SHC3: variants seen among roughly 807,000 people sequenced by gnomAD.
SHC3 encodes the protein SHC adaptor protein 3, also known as SHC-transforming protein 3.
In SHC3, 15 loss-of-function variants were observed where a neutral mutation model predicts 60.4. That is an observed-to-expected ratio of 0.25 (90% CI 0.17 to 0.38). The LOEUF (loss-of-function observed/expected upper bound fraction) is 0.38, where lower values mean the gene tolerates loss of function less well. SHC3 is among the 10% of genes least tolerant of loss of function. The pLI, the probability that SHC3 is intolerant of heterozygous loss-of-function variation, is 1.00. For synonymous variants in SHC3, 294 were observed against 325.9 expected (o/e 0.90, Z 1.05); for missense variants, 677 against 786.1 (o/e 0.86, Z 1.66).
intron 1 of SHC3, among the ~76,000 whole-genome samples, chr9:89,150,976 GT>G (rs1425279348): frequency 6.7e-6 from 1 of 150,168 alleles, no homozygotes; most frequent in East Asian, 1.9e-4. Context: ...GAGTAAAGAT[GT>G]TGAGCATCTT....
At chr9:89,074,660 C>A in intron 4 of SHC3, among the ~76,000 whole-genome samples, 1 of 99,888 alleles carries the variant, frequency 1.0e-5, no homozygotes, top group Admixed American at 1.6e-4. Context: ...CTATGTACTA[C>A]AAGATGCTCC....
chr9:89,178,039 GC>G lies in SHC3; in HGVS notation c.421del (p.Ala141ArgfsTer29). The part of the protein sequence containing the change: ...DEPLPRPPRG[A>X]PHASDQVLGP... ...CAGCACCTGGTCGCTGGCGTGCGGC[GC>G]CCCCCGAGGGGGCCTGGGCAGCGGC... On this transcript the variant is annotated frameshift_variant, in exon 1 of 12. Coordinates refer to ENST00000375835, the MANE Select transcript of SHC3 (RefSeq NM_016848.6). LOFTEE classifies it high-confidence loss of function. This position sits in a 1 kb window ranked among gnomAD's most constrained non-coding sequence, Gnocchi z 6.9. The G allele has an allele frequency of 6.5e-6, 8 of 1,230,168 alleles. No individual in the cohort carries two copies. Among genetic ancestry groups the G allele is most frequent in the Middle Eastern group, 3.1e-4 (1 of 3,186 alleles). The allele number at this position is 1,230,168 out of a possible 1,614,324, so 76.2% of individuals were successfully genotyped here.
Position 89,052,065 on chromosome 9 carries a change from G to C in SHC3, c.934C>G (p.Pro312Ala). 1 of 1,614,068 alleles carries C rather than the reference G, an allele frequency of 6.2e-7. No homozygotes were observed. The highest frequency in any genetic ancestry group is 1.1e-5 in the South Asian group (1 of 91,062). ...TCATGGAGAGCGGGAATCTTGGTAG[G>C]ACACTGTAAATATTGCTTAAACCGG... ...ELRFKQYLQC[P>A]TKIPALHDRM... Residue 312 changes from proline (P) to alanine (A), a missense_variant, in exon 7 of 12, where the codon CCT (proline) becomes GCT (alanine). Pro to Ala is a conservative substitution (Grantham distance 27). Coordinates refer to ENST00000375835, the MANE Select transcript of SHC3 (RefSeq NM_016848.6).
At chr9:89,128,459 G>A (rs1412187942) in intron 1 of SHC3, among the ~76,000 whole-genome samples, 1 of 152,132 alleles carries the variant, frequency 6.6e-6, no homozygotes, top group Admixed American at 6.6e-5. Context: ...CCTCAAGTGG[G>A]TCCCTGATCC....
At chr9:89,044,353 C>T (rs984799643) in intron 9 of SHC3, among the ~76,000 whole-genome samples, 3 of 152,184 alleles carry the variant, frequency 2.0e-5, no homozygotes, top group African/African-American at 7.2e-5. Context: ...ATTGACTGGG[C>T]CAGCACTGTG....
chr9:89,028,672 CT>C (rs1259493755), intron 11 of SHC3, among the ~76,000 whole-genome samples: 140 of 143,822 alleles, frequency 9.7e-4, no homozygotes, highest in African/African-American at 3.4e-3. Flanking sequence ...ATATAGCTAT[CT>C]ATATAAAGAG....
At chr9:89,122,401 A>G (rs1206537854) in intron 1 of SHC3, among the ~76,000 whole-genome samples, 1 of 152,244 alleles carries the variant, frequency 6.6e-6, no homozygotes, top group African/African-American at 2.4e-5. Context: ...TTGCCATATC[A>G]TGTGGCCAAT....
intron 1 of SHC3, among the ~76,000 whole-genome samples, chr9:89,152,262 C>T (rs923048782): frequency 1.3e-5 from 2 of 152,184 alleles, no homozygotes; most frequent in African/African-American, 2.4e-5. Flanking sequence ...CTCTTTAAGC[C>T]GAATCCTATG....
intron 1 of SHC3, 24 bp downstream of exon 1, chr9:89,177,963 A>G: frequency 8.3e-7 from 1 of 1,209,120 alleles, no homozygotes. Context: ...CCCAGCCCCC[A>G]GGGCGGCCCG....
At chr9:89,166,249 C>G (rs1305212926) in intron 1 of SHC3, among the ~76,000 whole-genome samples, 1 of 152,086 alleles carries the variant, frequency 6.6e-6, no homozygotes, top group African/African-American at 2.4e-5. Flanking sequence ...CTAGTGCAGC[C>G]CCTGGTATTT....
chr9:89,161,762 A>C (rs992950345), intron 1 of SHC3, among the ~76,000 whole-genome samples: 2 of 150,072 alleles, frequency 1.3e-5, no homozygotes, highest in East Asian at 3.9e-4. Flanking sequence ...CAGGAGAAGG[A>C]AATAAAGGGT....
At chr9:89,080,944 T>C (rs1825436213) in intron 2 of SHC3, among the ~76,000 whole-genome samples, 1 of 151,934 alleles carries the variant, frequency 6.6e-6, no homozygotes, top group South Asian at 2.1e-4. Flanking sequence ...TTTTTTGTAT[T>C]TTTAGTAGAC....
At chr9:89,048,422 C>A (rs549163833) in intron 7 of SHC3, among the ~76,000 whole-genome samples, 15 of 152,234 alleles carry the variant, frequency 9.9e-5, no homozygotes, top group Admixed American at 7.2e-4. Flanking sequence ...AAGCCAGATA[C>A]ATACAGTATG....
chr9:89,160,587 T>C (rs1309397941), intron 1 of SHC3, among the ~76,000 whole-genome samples: 1 of 152,220 alleles, frequency 6.6e-6, no homozygotes, highest in African/African-American at 2.4e-5. Context: ...ATCCATGTAA[T>C]TTTAATTAGA....
chr9:89,130,620 A>G (rs1826230487), intron 1 of SHC3, among the ~76,000 whole-genome samples: 1 of 152,222 alleles, frequency 6.6e-6, no homozygotes, highest in Admixed American at 6.5e-5. Context: ...CTCACTCAAA[A>G]CTGCTCAACT....
chr9:89,037,889 G>A, intron 11 of SHC3, 104 bp downstream of exon 11: 1 of 1,417,490 alleles, frequency 7.1e-7, no homozygotes, highest in Non-Finnish European at 9.5e-7. Flanking sequence ...GTAGGCACTT[G>A]TGGATAGAGG....
chr9:89,118,015 G>A (rs2118131886), intron 1 of SHC3, among the ~76,000 whole-genome samples: 1 of 152,122 alleles, frequency 6.6e-6, no homozygotes, highest in Non-Finnish European at 1.5e-5. Context: ...GTCAACTGCT[G>A]TCTCTTGTAT....
chr9:89,063,026 C>T (rs9410453), intron 6 of SHC3, among the ~76,000 whole-genome samples: 133,393 of 152,288 alleles, frequency 0.88, 58,659 homozygotes, highest in East Asian at 1. Context: ...GGCCTCCTCA[C>T]ACATGGTGAA....
At position 89,129,157 on chromosome 9, in the gene SHC3, G is replaced by A. The variant is rs528159043; in HGVS notation, c.475-16531C>T. On this transcript the variant is annotated intron_variant, in intron 1 of 11. Transcript: ENST00000375835. Reference sequence around the variant, plus strand: ...TGATTAAGTGGAAGAAAGGGTATCAGTGATTGAAGATCAAATTAATGAAAT... The same window carrying A: ...TGATTAAGTGGAAGAAAGGGTATCAATGATTGAAGATCAAATTAATGAAAT... 3.3e-4 allele frequency among the ~76,000 whole-genome samples: 50 copies of A among 152,304 alleles called. 1 individual carries two copies. The South Asian group carries it at 7.7e-3, about 23-fold the overall frequency.
Sources: gnomAD v4.1 joint callset for allele counts (sites outside exome capture counted in the v4.1 genomes callset) on GRCh38, gnomAD v4.1.1 for gene constraint, Gnocchi (gnomAD v3.1) non-coding constraint, MANE v1.5 for transcripts, NCBI Gene and HGNC (gene_info 2026-07-23, HGNC 2026-07-21) for gene names.